The following TTLL11 variants were observed in gnomAD, a reference collection of about 807,000 sequenced individuals.
TTLL11 encodes tubulin polyglutamylase TTLL11.
Under a neutral mutation model 51.7 loss-of-function variants are expected in TTLL11, and 42 were observed. That is an observed-to-expected ratio of 0.81 (90% CI 0.64 to 1.05). The LOEUF (loss-of-function observed/expected upper bound fraction) is 1.05. Among genes scored for constraint, TTLL11 ranks in the 50% least tolerant of loss-of-function variants. The pLI is 0.00. For synonymous variants in TTLL11, 381 were observed against 383.5 expected (o/e 0.99, Z 0.08); for missense variants, 799 against 940.4 (o/e 0.85, Z 1.97).
intron 8 of TTLL11, among the ~76,000 whole-genome samples, chr9:121,839,309 G>A (rs1044519816): frequency 6.6e-6 from 1 of 152,216 alleles, no homozygotes; most frequent in Non-Finnish European, 1.5e-5. Flanking sequence ...TGCCTGGCGT[G>A]TAGGGGCGGC....
intron 8 of TTLL11, among the ~76,000 whole-genome samples, chr9:121,832,495 A>G (rs372156983): frequency 2.0e-5 from 3 of 152,334 alleles, no homozygotes; most frequent in East Asian, 1.9e-4. Flanking sequence ...GTGCCTTCAC[A>G]TTATTTAATT....
chr9:121,873,831 C>CTTT (rs71508142), intron 6 of TTLL11, among the ~76,000 whole-genome samples: 2,299 of 77,358 alleles, frequency 0.03, 332 homozygotes, highest in African/African-American at 0.098. Flanking sequence ...ATTAGCCTGA[C>CTTT]TTTTTTTTTT....
chr9:121,977,440 T>C (rs978780999), intron 4 of TTLL11, among the ~76,000 whole-genome samples: 1 of 152,152 alleles, frequency 6.6e-6, no homozygotes, highest in Non-Finnish European at 1.5e-5. Flanking sequence ...GTACTCAATA[T>C]ATGCTATCTC....
intron 1 of TTLL11, among the ~76,000 whole-genome samples, chr9:122,055,464 C>T (rs1359652493): frequency 2.0e-5 from 3 of 152,250 alleles, no homozygotes; most frequent in South Asian, 2.1e-4. Flanking sequence ...ATTCTAGATG[C>T]CCTGGCAGCT....
chr9:122,040,244 C>A (rs1455685153), intron 1 of TTLL11: 1 of 478,374 alleles, frequency 2.1e-6, no homozygotes, highest in East Asian at 1.5e-4. Flanking sequence ...GAAACTCAGA[C>A]TGAGTGGCCT....
intron 3 of TTLL11, among the ~76,000 whole-genome samples, chr9:121,998,075 T>C (rs1350364350): frequency 4.6e-5 from 7 of 152,144 alleles, no homozygotes; most frequent in African/African-American, 1.7e-4. Context: ...GCAGCTAAAA[T>C]TGTTTTTCCA....
chr9:121,863,018 C>A (rs999844762), intron 7 of TTLL11, among the ~76,000 whole-genome samples: 1 of 152,194 alleles, frequency 6.6e-6, no homozygotes. Flanking sequence ...TGTATGCCAG[C>A]ACACTTTCTT....
intron 6 of TTLL11, among the ~76,000 whole-genome samples, chr9:121,878,276 G>C (rs976201240): frequency 6.6e-6 from 1 of 152,156 alleles, no homozygotes; most frequent in Non-Finnish European, 1.5e-5. Context: ...GCATCAAGAT[G>C]AATCTGCTTG....
chr9:121,883,885 A>G (rs10985430), intron 6 of TTLL11, among the ~76,000 whole-genome samples: 35,587 of 152,118 alleles, frequency 0.23, 4,760 homozygotes, highest in Non-Finnish European at 0.31. Context: ...TGAATCACGC[A>G]GGCCTGGGCT....
At chr9:122,037,327 G>A (rs564469257) in intron 2 of TTLL11, among the ~76,000 whole-genome samples, 13 of 152,188 alleles carry the variant, frequency 8.5e-5, no homozygotes, top group Non-Finnish European at 4.4e-5. Flanking sequence ...AAACTGTTGG[G>A]TAAGAACTCT....
At chr9:121,823,713 C>T (rs1464670347) in intron 8 of TTLL11, among the ~76,000 whole-genome samples, 2 of 152,172 alleles carry the variant, frequency 1.3e-5, no homozygotes, top group African/African-American at 4.8e-5. Context: ...CCTTAAGGCT[C>T]ATGCATTTTG....
At chr9:122,003,473 G>GTTTAACGGCCGCGGTTAAA (rs1843544282) in intron 3 of TTLL11, among the ~76,000 whole-genome samples, 2 of 146,324 alleles carry the variant, frequency 1.4e-5, no homozygotes, top group Non-Finnish European at 3.0e-5. Flanking sequence ...ATCGAAATAT[G>GTTTAACGGCCGCGGTTAAA]CATACGTTCC....
In TTLL11 at chr9:121,818,892, G is replaced by A. The variant is rs1478914969; in HGVS notation, c.*3695C>T. Reference sequence around the variant, plus strand: ...GAAAGAAGGGAAGGGTGCCGATAAGGGCTGCTTTCAATAGGTGACTGGACG... The same window carrying A: ...GAAAGAAGGGAAGGGTGCCGATAAGAGCTGCTTTCAATAGGTGACTGGACG... On this transcript the variant is annotated 3_prime_UTR_variant, in exon 9 of 9. Transcript: ENST00000321582. 1 of 152,586 alleles carries A rather than the reference G, an allele frequency of 6.6e-6. No individual in the cohort carries two copies. The highest frequency in any genetic ancestry group is 1.5e-5 in the Non-Finnish European group (1 of 68,366). The allele number at this position is 152,586 out of a possible 1,614,324, so 9.5% of individuals were successfully genotyped here.
At chr9:121,825,226 T>C (rs1475119203) in intron 8 of TTLL11, among the ~76,000 whole-genome samples, 1 of 152,114 alleles carries the variant, frequency 6.6e-6, no homozygotes, top group Non-Finnish European at 1.5e-5. Context: ...TCTGTGTGTG[T>C]GTGTGAGATG....
chr9:121,841,229 T>A (rs1837335801), intron 8 of TTLL11, among the ~76,000 whole-genome samples: 1 of 152,028 alleles, frequency 6.6e-6, no homozygotes, highest in African/African-American at 2.4e-5. Context: ...GCGAAGAGTG[T>A]GGCGGGAATG....
In TTLL11 at chr9:121,820,456, G is replaced by T. The variant is rs371569782; in HGVS notation, c.*2131C>A. ...GAGCTGCATGGGGGCTTCAAACATT[G>T]TTTCTCACAATGGACCATTTAGGAG... On this transcript the variant is annotated 3_prime_UTR_variant, in exon 9 of 9. Coordinates refer to ENST00000321582, the MANE Select transcript of TTLL11 (RefSeq NM_001139442.2). Among the ~76,000 whole-genome samples, 5 of 152,280 alleles carry T rather than the reference G, an allele frequency of 3.3e-5. 1 individual carries two copies. In the East Asian group the frequency reaches 5.8e-4, roughly 18 times the overall value.
At chr9:121,937,153 C>G (rs764524054) in intron 6 of TTLL11, among the ~76,000 whole-genome samples, 1 of 152,186 alleles carries the variant, frequency 6.6e-6, no homozygotes, top group Non-Finnish European at 1.5e-5. Context: ...ATGACAACAT[C>G]TGTCAAGTGG....
chr9:122,064,596 G>A (rs1454527134), intron 1 of TTLL11, among the ~76,000 whole-genome samples: 1 of 152,130 alleles, frequency 6.6e-6, no homozygotes, highest in African/African-American at 2.4e-5. Flanking sequence ...ACACTACACT[G>A]TGCTAGGTGT....
At chr9:121,858,829 G>T (rs1837910748) in intron 8 of TTLL11, among the ~76,000 whole-genome samples, 1 of 152,242 alleles carries the variant, frequency 6.6e-6, no homozygotes, top group African/African-American at 2.4e-5. Flanking sequence ...TTTTCAAGCT[G>T]ACATGGGCAG....
Sources: allele counts gnomAD v4.1 joint callset (sites outside exome capture counted in the v4.1 genomes callset), GRCh38; gene constraint gnomAD v4.1.1; transcripts MANE v1.5; gene names NCBI Gene and HGNC (gene_info 2026-07-23, HGNC 2026-07-21).